CCDC85C: variants seen among roughly 807,000 people sequenced by gnomAD.
The protein encoded by CCDC85C is coiled-coil domain containing 85C.
CCDC85C carries 18 observed loss-of-function variants against 38.3 expected under a neutral mutation model. That is an observed-to-expected ratio of 0.47 (90% CI 0.33 to 0.70). The LOEUF (loss-of-function observed/expected upper bound fraction) is 0.70. Ranked by LOEUF, CCDC85C falls within the 30% of genes least tolerant of loss-of-function variation. The pLI is 0.03. For missense variants in CCDC85C, 566 were observed against 621.2 expected (o/e 0.91, Z 0.94); for synonymous variants, 264 against 293.8 (o/e 0.90, Z 1.04).
At chr14:99,549,500 T>C (rs935787337) in intron 1 of CCDC85C, among the ~76,000 whole-genome samples, 1 of 152,152 alleles carries the variant, frequency 6.6e-6, no homozygotes, top group African/African-American at 2.4e-5. Context: ...GCAGGCCCCC[T>C]CTTTGCCCCA....
rs1266532975 is a variant in CCDC85C, at chr14:99,503,878, C to T, written c.*11368G>A. On this transcript the variant is annotated 3_prime_UTR_variant, in exon 6 of 6. Coordinates refer to ENST00000380243, the MANE Select transcript of CCDC85C (RefSeq NM_001144995.2). ...AAACATTACTGGCAATAAAAATGTA[C>T]TCAGTAACATATATAAAAGTATAAT... is the stretch of plus-strand genomic sequence containing the variant. 4 of 542,998 alleles carry T rather than the reference C, an allele frequency of 7.4e-6. No individual in the cohort carries two copies. The highest frequency in any genetic ancestry group is 1.9e-5 in the African/African-American group (1 of 52,168). 33.6% of individuals were successfully genotyped at this position (542,998 alleles called of 1,614,324 possible).
At chr14:99,598,313 G>A (rs2055164710) in intron 1 of CCDC85C, among the ~76,000 whole-genome samples, 1 of 152,230 alleles carries the variant, frequency 6.6e-6, no homozygotes, top group South Asian at 2.1e-4. Flanking sequence ...AGCATGGATT[G>A]GAAAATCCCC....
Position 99,510,842 on chromosome 14 carries a change from A to G in CCDC85C, c.*4404T>C. 2 of 1,339,906 alleles carry G rather than the reference A, an allele frequency of 1.5e-6. No individual in the cohort carries two copies. The highest frequency in any genetic ancestry group is 1.9e-6 in the Non-Finnish European group (2 of 1,031,774). 83.0% of individuals were successfully genotyped at this position (1,339,906 alleles called of 1,614,324 possible). A position where few individuals can be genotyped will look rare whatever the true frequency, so the allele number is the denominator to read the frequency against. On this transcript the variant is annotated 3_prime_UTR_variant, in exon 6 of 6. Transcript: ENST00000380243. ...AGATTTTCTAATCGACTTGCAGAGT[A>G]GTTGAAGTGGGTAAGCAGCAGGGTA...
Position 99,603,209 on chromosome 14 carries a change from A to G in CCDC85C, c.751T>C (p.Ser251Pro). The G allele has an allele frequency of 7.0e-7, 1 of 1,429,064 alleles. No individual in the cohort carries two copies. Among genetic ancestry groups the G allele is most frequent in the South Asian group, 1.4e-5 (1 of 70,426 alleles). 88.5% of individuals were successfully genotyped at this position (1,429,064 alleles called of 1,614,324 possible). The change falls in exon 1 of 6, where the codon TCG becomes CCG. Residue 251 changes from serine to proline, a missense_variant. Transcript: ENST00000380243. The surrounding 1 kb of genome is among the most constrained non-coding windows in gnomAD (Gnocchi z 7.5). ...ATGCTGCGGTGGTGCGGCGGCGCCG[A>G]CAAGTCGTCCAGGGACCGACGTGTG... ...GATRRSLDDLSAPPHHRSIPN... is the reference protein window; with the variant it reads ...GATRRSLDDLPAPPHHRSIPN...
Position 99,503,263 on chromosome 14 carries a change from T to C in CCDC85C, c.*11983A>G, listed in dbSNP as rs1391599490. ...CTGAAGCCTGTCGGTGTCGTTGCCGTGTCCTAGCAGTGTCGTTGTGCATGC... is the reference window on the plus strand; with the variant it reads ...CTGAAGCCTGTCGGTGTCGTTGCCGCGTCCTAGCAGTGTCGTTGTGCATGC... On this transcript the variant is annotated 3_prime_UTR_variant, in exon 6 of 6. Transcript: ENST00000380243. 9.4e-6 allele frequency: 6 copies of C among 638,318 alleles called. No individual in the cohort carries two copies. The highest frequency in any genetic ancestry group is 1.7e-5 in the Non-Finnish European group (6 of 353,306). 39.5% of individuals were successfully genotyped at this position (638,318 alleles called of 1,614,324 possible). A position where few individuals can be genotyped will look rare whatever the true frequency, so the allele number is the denominator to read the frequency against.
intron 1 of CCDC85C, among the ~76,000 whole-genome samples, chr14:99,550,103 C>A (rs58399724): frequency 0.026 from 3,929 of 152,304 alleles, 173 homozygotes; most frequent in African/African-American, 0.089. Flanking sequence ...GGCTTGTGAA[C>A]CGTAGTCAGC....
chr14:99,527,730 G>A (rs767243016), intron 2 of CCDC85C, among the ~76,000 whole-genome samples: 2 of 152,104 alleles, frequency 1.3e-5, no homozygotes, highest in Admixed American at 6.5e-5. Context: ...CTCCCTCAAG[G>A]ACCCAGGCAG....
Position 99,502,777 on chromosome 14 carries a change from C to T in CCDC85C, c.*12469G>A, listed in dbSNP as rs1407277085. ...AAGGAAAACAACAGATGCCTCATCACACCCCCCATCAGCTGCAACAGCCCC... is the reference window on the plus strand; with the variant it reads ...AAGGAAAACAACAGATGCCTCATCATACCCCCCATCAGCTGCAACAGCCCC... On this transcript the variant is annotated 3_prime_UTR_variant, in exon 6 of 6. Transcript: ENST00000380243. 4.3e-6 allele frequency: 7 copies of T among 1,613,720 alleles called. No homozygotes were observed. The highest frequency in any genetic ancestry group is 4.0e-5 in the African/African-American group (3 of 74,888).
At chr14:99,591,691 G>A (rs1454172867) in intron 1 of CCDC85C, among the ~76,000 whole-genome samples, 10 of 151,730 alleles carry the variant, frequency 6.6e-5, no homozygotes, top group Non-Finnish European at 1.3e-4. Flanking sequence ...GTGGCAGGAA[G>A]CCCCGACTCC....
chr14:99,532,288 C>T (rs1312587763), intron 2 of CCDC85C, among the ~76,000 whole-genome samples: 1 of 152,202 alleles, frequency 6.6e-6, no homozygotes, highest in Non-Finnish European at 1.5e-5. Context: ...CTAAGTAAAC[C>T]CCATCTTCCT....
chr14:99,565,028 C>T (rs1042876763), intron 1 of CCDC85C, among the ~76,000 whole-genome samples: 2 of 152,196 alleles, frequency 1.3e-5, no homozygotes, highest in African/African-American at 4.8e-5. Context: ...GACCCTCTCC[C>T]GGCAGCCCGC....
In CCDC85C at chr14:99,522,161, G is replaced by T; in HGVS notation, c.947C>A (p.Pro316Gln). 2.6e-6 allele frequency: 4 copies of T among 1,551,082 alleles called. No individual in the cohort carries two copies. The South Asian group carries it at 3.6e-5, about 14-fold the overall frequency. Residue 316 changes from proline to glutamine, a missense_variant, in exon 3 of 6, where the codon CCG (proline) becomes CAG (glutamine). By Grantham distance (76) the Pro-to-Gln change is moderately conservative (BLOSUM62 -1). Coordinates refer to ENST00000380243, the MANE Select transcript of CCDC85C (RefSeq NM_001144995.2). Reference sequence around the variant, plus strand: ...CTGCAGGGAGTCCTGGTAGGAGGGCGGCAGGGACGCAAGCTGGGACTCCGA... The same window carrying T: ...CTGCAGGGAGTCCTGGTAGGAGGGCTGCAGGGACGCAAGCTGGGACTCCGA... ...YHSESQLASL[P>Q]PSYQDSLQNG... is the part of the protein sequence containing the mutation.
At position 99,572,244 on chromosome 14, in the gene CCDC85C, G is replaced by A. The variant is rs544404083; in HGVS notation, c.793+30923C>T. Among the ~76,000 whole-genome samples the A allele has an allele frequency of 2.0e-5, 3 of 152,302 alleles. No homozygotes were observed. The highest frequency in any genetic ancestry group is 4.1e-4 in the South Asian group (2 of 4,828). ...AGCGTTAGTGAATGGCCAGGCTGTG[G>A]CCCTCCCCGAGAGTCCCTCCCTCCC... is the stretch of plus-strand genomic sequence containing the variant. On this transcript the variant is annotated intron_variant, in intron 1 of 5. Coordinates refer to ENST00000380243, the MANE Select transcript of CCDC85C (RefSeq NM_001144995.2). The surrounding 1 kb of genome is among the most constrained non-coding windows in gnomAD (Gnocchi z 4.4).
chr14:99,523,138 A>C lies in CCDC85C; in HGVS notation c.868-898T>G, dbSNP rs151146510. On this transcript the variant is annotated intron_variant, in intron 2 of 5. Transcript: ENST00000380243. ...CAGATAAAACCCTGCGGAATGTCCC[A>C]TAAATCAGCAGGCTGTTGAGTTACC... is the stretch of plus-strand genomic sequence containing the variant. 4.3e-4 allele frequency among the ~76,000 whole-genome samples: 65 copies of C among 152,294 alleles called. No homozygotes were observed. In the East Asian group the frequency reaches 0.013, roughly 29 times the overall value.
At chr14:99,562,941 T>C (rs17098827) in intron 1 of CCDC85C, among the ~76,000 whole-genome samples, 2,852 of 152,252 alleles carry the variant, frequency 0.019, 93 homozygotes, top group East Asian at 0.085. Flanking sequence ...GTCTTGACAC[T>C]GCGGAAAGAG....
chr14:99,540,619 GC>G (rs1377412453), intron 1 of CCDC85C, among the ~76,000 whole-genome samples: 5 of 152,206 alleles, frequency 3.3e-5, no homozygotes, highest in African/African-American at 1.2e-4. Flanking sequence ...CCCTGGGCTG[GC>G]CTGGCCAAGG....
Position 99,509,877 on chromosome 14 carries a change from G to T in CCDC85C, c.*5369C>A. ...GGGGGCTGGGGCCAGGGCACAAGGGGGCTTCGGGTGCTGCCGAGACTGCCT... is the reference window on the plus strand; with the variant it reads ...GGGGGCTGGGGCCAGGGCACAAGGGTGCTTCGGGTGCTGCCGAGACTGCCT... On this transcript the variant is annotated 3_prime_UTR_variant, in exon 6 of 6. Transcript: ENST00000380243. The T allele has an allele frequency of 1.9e-6, 1 of 523,252 alleles. No homozygotes were observed. Among genetic ancestry groups the T allele is most frequent in the South Asian group, 2.6e-5 (1 of 39,028 alleles). 32.4% of individuals were successfully genotyped at this position (523,252 alleles called of 1,614,324 possible).
intron 1 of CCDC85C, among the ~76,000 whole-genome samples, chr14:99,587,549 C>A (rs2055039709): frequency 6.6e-6 from 1 of 152,230 alleles, no homozygotes; most frequent in Admixed American, 6.5e-5. Flanking sequence ...GGCTCCCAGC[C>A]AGCCCTGTCC....
intron 1 of CCDC85C, among the ~76,000 whole-genome samples, chr14:99,598,147 C>T (rs750416363): frequency 2.0e-5 from 3 of 152,180 alleles, no homozygotes; most frequent in Non-Finnish European, 4.4e-5. Flanking sequence ...GGCTGCCACC[C>T]GCCAGAGGCT....
Sources: allele counts gnomAD v4.1 joint callset (sites outside exome capture counted in the v4.1 genomes callset), GRCh38; gene constraint gnomAD v4.1.1; non-coding constraint Gnocchi (gnomAD v3.1); transcripts MANE v1.5; gene names NCBI Gene and HGNC (gene_info 2026-07-23, HGNC 2026-07-21).